The following CFTR variants were observed in gnomAD, a reference collection of about 807,000 sequenced individuals.
CFTR encodes CF transmembrane conductance regulator.
In CFTR, 181 loss-of-function variants were observed where a neutral mutation model predicts 171.6. The ratio of observed to expected loss-of-function variants is 1.05; its 90% CI spans 0.93 to 1.19. The LOEUF (loss-of-function observed/expected upper bound fraction) is 1.19, where lower values mean the gene tolerates loss of function less well. Among genes scored for constraint, CFTR ranks in the 50% most tolerant of loss-of-function variants. The pLI, the probability that CFTR is intolerant of heterozygous loss-of-function variation, is 0.00. For missense variants in CFTR, 1,968 were observed against 1,734.7 expected (o/e 1.13, Z -2.39); for synonymous variants, 583 against 608.0 (o/e 0.96, Z 0.60).
At chr7:117,518,569 C>CATATATATATATAT (rs72291298) in intron 3 of CFTR, among the ~76,000 whole-genome samples, 70 of 142,096 alleles carry the variant, frequency 4.9e-4, no homozygotes, top group African/African-American at 1.8e-3. Context: ...TATATAAAAA[C>CATATATATATATAT]ATATATATAT....
At position 117,666,962 on chromosome 7, in the gene CFTR, G is replaced by A. The variant is rs750559671; in HGVS notation, c.4297G>A (p.Glu1433Lys). 24 of 1,613,864 alleles carry A rather than the reference G, an allele frequency of 1.5e-5. No homozygotes were observed. The highest frequency in any genetic ancestry group is 1.1e-4 in the South Asian group (10 of 91,076). The change falls in exon 27 of 27, where the codon GAG becomes AAG. Residue 1433 changes from glutamate to lysine, a missense_variant. Glu to Lys is a moderately conservative substitution (Grantham distance 56). Transcript: ENST00000003084. The stretch of plus-strand genomic sequence containing the variant: ...CGATTCCATCCAGAAACTGCTGAAC[G>A]AGAGGAGCCTCTTCCGGCAAGCCAT... The part of the protein sequence containing the change: ...QYDSIQKLLN[E>K]RSLFRQAISP...
At position 117,536,541 on chromosome 7, in the gene CFTR, T is replaced by C; in HGVS notation, c.744-7T>C. 6.4e-7 allele frequency: 1 copy of C among 1,566,432 alleles called. No individual in the cohort carries two copies. Among genetic ancestry groups the C allele is most frequent in the Non-Finnish European group, 8.7e-7 (1 of 1,153,182 alleles). On this transcript the variant is annotated splice_polypyrimidine_tract_variant and splice_region_variant and intron_variant, in intron 6 of 26. Coordinates refer to ENST00000003084, the MANE Select transcript of CFTR (RefSeq NM_000492.4). The stretch of plus-strand genomic sequence containing the variant: ...ATTGATTGATTGATTGATTGATTGA[T>C]TTACAGAGATCAGAGAGCTGGGAAG...
chr7:117,566,246 A>G (rs1341161931), intron 11 of CFTR, among the ~76,000 whole-genome samples: 1 of 112,472 alleles, frequency 8.9e-6, no homozygotes, highest in East Asian at 2.3e-4. Context: ...CCAGCCTACT[A>G]AAACACACAC....
intron 22 of CFTR, among the ~76,000 whole-genome samples, chr7:117,630,109 A>G (rs527882358): frequency 6.6e-6 from 1 of 152,322 alleles, no homozygotes; most frequent in South Asian, 2.1e-4. Flanking sequence ...GGCAATAACA[A>G]AGCTTAAGTT....
At chr7:117,511,342 T>A (rs1012233788) in intron 3 of CFTR, among the ~76,000 whole-genome samples, 3 of 152,104 alleles carry the variant, frequency 2.0e-5, no homozygotes, top group African/African-American at 7.2e-5. Context: ...GATAGGAGAA[T>A]GGAGTATGTA....
intron 10 of CFTR, among the ~76,000 whole-genome samples, chr7:117,553,885 C>A (rs1408351926): frequency 2.6e-5 from 4 of 152,152 alleles, no homozygotes; most frequent in Non-Finnish European, 5.9e-5. Context: ...TGGGAAGAGT[C>A]TTCCAAGTAG....
chr7:117,633,810 T>A (rs1001747742), intron 22 of CFTR, among the ~76,000 whole-genome samples: 6 of 152,108 alleles, frequency 3.9e-5, no homozygotes, highest in Non-Finnish European at 7.4e-5. Flanking sequence ...TTAATTGATT[T>A]TTGAATGCTG....
At chr7:117,570,141 A>C (rs1791666051) in intron 11 of CFTR, among the ~76,000 whole-genome samples, 1 of 151,136 alleles carries the variant, frequency 6.6e-6, no homozygotes. Flanking sequence ...TCATCACATT[A>C]TTACTATAGA....
Position 117,504,321 on chromosome 7 carries a change from C to G in CFTR, c.122C>G (p.Pro41Arg). Residue 41 changes from proline to arginine, a missense_variant, in exon 2 of 27, where the codon CCT (proline) becomes CGT (arginine). Physicochemically the swap from Pro to Arg is moderately radical, Grantham distance 103. Transcript: ENST00000003084. ...GAATTGTCAGACATATACCAAATCC[C>G]TTCTGTTGATTCTGCTGACAATCTA... The part of the protein sequence containing the change: ...RLELSDIYQI[P>R]SVDSADNLSE... 4 of 1,611,186 alleles carry G rather than the reference C, an allele frequency of 2.5e-6. No homozygotes were observed. Among genetic ancestry groups the G allele is most frequent in the South Asian group, 1.1e-5 (1 of 91,014 alleles).
chr7:117,503,403 T>A (rs1256028508), intron 1 of CFTR, among the ~76,000 whole-genome samples: 1 of 152,236 alleles, frequency 6.6e-6, no homozygotes, highest in Non-Finnish European at 1.5e-5. Flanking sequence ...GAATTTTATT[T>A]AGAAATTTCT....
At chr7:117,549,452 A>C (rs1799231486) in intron 10 of CFTR, among the ~76,000 whole-genome samples, 1 of 152,188 alleles carries the variant, frequency 6.6e-6, no homozygotes, top group Admixed American at 6.6e-5. Context: ...CAAAAGGACC[A>C]AAACTTTATT....
intron 21 of CFTR, 60 bp downstream of exon 21, chr7:117,614,773 A>G: frequency 9.5e-7 from 1 of 1,048,172 alleles, no homozygotes; most frequent in Non-Finnish European, 1.5e-6. Context: ...ACAAAGTATG[A>G]GTAATAGCAT....
intron 24 of CFTR, among the ~76,000 whole-genome samples, chr7:117,659,144 G>C (rs1793225458): frequency 6.6e-6 from 1 of 151,876 alleles, no homozygotes; most frequent in Non-Finnish European, 1.5e-5. Flanking sequence ...TCTCTACCTG[G>C]GAAACTCCCC....
At chr7:117,507,590 G>A (rs1308613744) in intron 2 of CFTR, among the ~76,000 whole-genome samples, 1 of 152,180 alleles carries the variant, frequency 6.6e-6, no homozygotes, top group Non-Finnish European at 1.5e-5. Flanking sequence ...GTAACCAAAT[G>A]TTATGGATGG....
At chr7:117,603,212 T>C (rs1792251538) in intron 16 of CFTR, among the ~76,000 whole-genome samples, 1 of 152,298 alleles carries the variant, frequency 6.6e-6, no homozygotes, top group African/African-American at 2.4e-5. Flanking sequence ...ATTGTGAGCA[T>C]GTGCAGCTCC....
At chr7:117,491,204 CAG>C (rs1798155100) in intron 1 of CFTR, among the ~76,000 whole-genome samples, 1 of 152,000 alleles carries the variant, frequency 6.6e-6, no homozygotes, top group Non-Finnish European at 1.5e-5. Flanking sequence ...TGTCTAAACA[CAG>C]AAAAGGTGCA....
At chr7:117,548,978 C>T (rs116457026) in intron 10 of CFTR, among the ~76,000 whole-genome samples, 155 bp downstream of exon 10, 1 of 152,300 alleles carries the variant, frequency 6.6e-6, no homozygotes, top group East Asian at 1.9e-4. Context: ...AGAAATTGTT[C>T]CACTGATAAT....
At chr7:117,647,950 C>G (rs1435838800) in intron 23 of CFTR, among the ~76,000 whole-genome samples, 1 of 150,516 alleles carries the variant, frequency 6.6e-6, no homozygotes, top group Admixed American at 6.6e-5. Context: ...GACGTCCAAA[C>G]CACTGTGATA....
At chr7:117,664,985 A>C in intron 25 of CFTR, 125 bp downstream of exon 25, 1 of 1,010,806 alleles carries the variant, frequency 9.9e-7, no homozygotes. Context: ...CCAAGATATG[A>C]AATAATTGCC....
Sources: gnomAD v4.1 joint callset for allele counts (sites outside exome capture counted in the v4.1 genomes callset) on GRCh38, gnomAD v4.1.1 for gene constraint, MANE v1.5 for transcripts, NCBI Gene and HGNC (gene_info 2026-07-23, HGNC 2026-07-21) for gene names.